SIGLECL1: variants seen among roughly 807,000 people sequenced by gnomAD.
SIGLECL1 encodes SIGLEC family-like protein 1.
In SIGLECL1, 16 loss-of-function variants were observed where a neutral mutation model predicts 19.1. The ratio of observed to expected loss-of-function variants is 0.84; its 90% confidence interval spans 0.57 to 1.27. The LOEUF (loss-of-function observed/expected upper bound fraction) is 1.27. SIGLECL1 is among the 50% of genes most tolerant of loss of function. SIGLECL1 has a pLI of 0.00. For missense variants in SIGLECL1, 210 were observed against 239.4 expected, an observed-to-expected ratio of 0.88 and a Z score of 0.81; for synonymous variants, 89 against 90.4, an observed-to-expected ratio of 0.98 and a Z score of 0.09.
Position 51,267,522 on chromosome 19 carries a change from G to A in SIGLECL1, c.560G>A (p.Arg187Gln), listed in dbSNP as rs150073978. The change falls in exon 5 of 6, where the codon CGG (arginine) becomes CAG (glutamine). Residue 187 changes from arginine (R) to glutamine (Q), a missense_variant. By Grantham distance (43) the Arg-to-Gln change is conservative. Transcript: ENST00000601727. ...KPVVATFSES[R>Q]ILEKQDKRAS ...GTAGTCGCCACATTTTCTGAGAGCC[G>A]GATATTGGTATGTACCTATTGTGTC... 1.7e-4 allele frequency: 276 copies of A among 1,613,982 alleles called. No homozygotes were observed. Among genetic ancestry groups the A allele is most frequent in the Admixed American group, 7.5e-4 (45 of 59,998 alleles).
chr19:51,262,973 A>T (rs1983345319), intron 1 of SIGLECL1, among the ~76,000 whole-genome samples: 1 of 152,182 alleles, frequency 6.6e-6, no homozygotes, highest in Non-Finnish European at 1.5e-5. Context: ...ATCACGGCTG[A>T]CTGCAGCCTT....
At chr19:51,257,655 T>C (rs1982904401) in intron 1 of SIGLECL1, 1 of 152,192 alleles carries the variant, frequency 6.6e-6, no homozygotes. Context: ...CCCAGGGACC[T>C]TGCATCACAC....
At chr19:51,257,957 G>T (rs1254950730) in intron 1 of SIGLECL1, 1 of 152,192 alleles carries the variant, frequency 6.6e-6, no homozygotes, top group African/African-American at 2.4e-5. Flanking sequence ...CACCAGGAAA[G>T]CTAAGTTATG....
chr19:51,248,512 T>A (rs1374155972), upstream of SIGLECL1, among the ~76,000 whole-genome samples: 1 of 152,208 alleles, frequency 6.6e-6, no homozygotes. Context: ...TCCTGGCATG[T>A]GCCAGCGGAA....
intron 1 of SIGLECL1, among the ~76,000 whole-genome samples, chr19:51,256,325 G>A (rs1000792906): frequency 8.5e-5 from 13 of 152,158 alleles, no homozygotes; most frequent in African/African-American, 3.1e-4. Context: ...CACACACAGT[G>A]GAAGTTATTC....
chr19:51,248,533 A>G (rs1371712940), upstream of SIGLECL1, among the ~76,000 whole-genome samples: 1 of 152,210 alleles, frequency 6.6e-6, no homozygotes, highest in Non-Finnish European at 1.5e-5. Context: ...CCCCATGTTT[A>G]TACCCCAAGT....
chr19:51,252,001 TG>T (rs1386967739), intron 1 of SIGLECL1, among the ~76,000 whole-genome samples: 3 of 151,834 alleles, frequency 2.0e-5, no homozygotes, highest in African/African-American at 7.2e-5. Flanking sequence ...AGAGACATGG[TG>T]GTCAAGGAAA....
At chr19:51,252,591 GA>G (rs1020533895) in intron 1 of SIGLECL1, among the ~76,000 whole-genome samples, 47 of 151,066 alleles carry the variant, frequency 3.1e-4, no homozygotes, top group Admixed American at 2.8e-3. Context: ...AAAGGGGAAG[GA>G]AAAAAAAATT....
Position 51,265,580 on chromosome 19 carries a change from G to A in SIGLECL1, c.235G>A (p.Gly79Ser). 2.5e-6 allele frequency: 4 copies of A among 1,614,138 alleles called. No individual in the cohort carries two copies. The highest frequency in any genetic ancestry group is 2.5e-6 in the Non-Finnish European group (3 of 1,180,024). ...TISLTEEPEM[G>S]MRLLCEGKNQ... is the part of the protein sequence containing the mutation. ...CAGCCTAACTGAAGAGCCAGAAATG[G>A]GCATGAGACTTCTCTGTGAGGGGAA... is the stretch of plus-strand genomic sequence containing the variant. Residue 79 changes from glycine (G) to serine (S), a missense_variant, in exon 3 of 6, where the codon GGC becomes AGC. Coordinates refer to ENST00000601727, the MANE Select transcript of SIGLECL1 (RefSeq NM_001385465.1).
chr19:51,252,287 A>G (rs1296388747), intron 1 of SIGLECL1, among the ~76,000 whole-genome samples: 1 of 148,928 alleles, frequency 6.7e-6, no homozygotes, highest in African/African-American at 2.5e-5. Flanking sequence ...ACACAGCGAG[A>G]CTCTGTCTCA....
Sources: allele counts gnomAD v4.1 joint callset (sites outside exome capture counted in the v4.1 genomes callset), GRCh38; gene constraint gnomAD v4.1.1; transcripts MANE v1.5; gene names NCBI Gene and HGNC (gene_info 2026-07-23, HGNC 2026-07-21).